Variants in TMEFF2 observed in about 807,000 individuals in gnomAD.
The protein encoded by TMEFF2 is transmembrane protein with EGF like and two follistatin like domains 2.
TMEFF2 carries 28 observed loss-of-function variants against 53.8 expected under a neutral mutation model. That is an observed-to-expected ratio of 0.52 (90% CI 0.39 to 0.71). The LOEUF (loss-of-function observed/expected upper bound fraction) is 0.71, where lower values mean the gene tolerates loss of function less well. TMEFF2 is among the 30% of genes least tolerant of loss of function. The pLI, the probability that TMEFF2 is intolerant of heterozygous loss-of-function variation, is 0.00. For missense variants in TMEFF2, 353 were observed against 455.2 expected (o/e 0.78, Z 2.04); for synonymous variants, 162 against 166.3 (o/e 0.97, Z 0.20).
At chr2:192,116,862 TTA>T (rs1351603541) in intron 4 of TMEFF2, among the ~76,000 whole-genome samples, 1 of 152,094 alleles carries the variant, frequency 6.6e-6, no homozygotes, top group African/African-American at 2.4e-5. Context: ...ATCATGTTAC[TTA>T]TGATTGCTGA....
chr2:192,073,952 T>C (rs1457007793), intron 4 of TMEFF2, among the ~76,000 whole-genome samples: 1 of 151,948 alleles, frequency 6.6e-6, no homozygotes, highest in African/African-American at 2.4e-5. Context: ...CCAGAATAGA[T>C]GAAACTCCCA....
At position 192,102,768 on chromosome 2, in the gene TMEFF2, G is replaced by A. The variant is rs562797274; in HGVS notation, c.440-44993C>T. Among the ~76,000 whole-genome samples the A allele has an allele frequency of 1.6e-4, 24 of 150,978 alleles. 1 individual carries two copies. In the East Asian group the frequency reaches 3.9e-3, roughly 25 times the overall value. On this transcript the variant is annotated intron_variant, in intron 4 of 9. Transcript: ENST00000272771. The stretch of plus-strand genomic sequence containing the variant: ...GTATTTTTACTAGAGACGGGGTTTC[G>A]TCGTGTTGGCCAGGCTGGTCTTGAA...
intron 4 of TMEFF2, among the ~76,000 whole-genome samples, chr2:192,149,783 A>C (rs1379000026): frequency 6.6e-6 from 1 of 151,984 alleles, no homozygotes; most frequent in Non-Finnish European, 1.5e-5. Context: ...TGTAATAAGA[A>C]GTCTATCTTA....
At chr2:191,951,059 T>C (rs1574236467) in intron 9 of TMEFF2, among the ~76,000 whole-genome samples, 1 of 151,904 alleles carries the variant, frequency 6.6e-6, no homozygotes, top group East Asian at 1.9e-4. Flanking sequence ...GGAAAGTTCA[T>C]ATAAAATTCT....
chr2:191,952,698 C>G (rs1324250438), intron 9 of TMEFF2, among the ~76,000 whole-genome samples: 3 of 152,176 alleles, frequency 2.0e-5, no homozygotes, highest in Non-Finnish European at 4.4e-5. Flanking sequence ...AAATGCCACA[C>G]TTGTCCTCAA....
At chr2:192,003,928 T>TGTG (rs757169033) in intron 5 of TMEFF2, among the ~76,000 whole-genome samples, 2,039 of 119,250 alleles carry the variant, frequency 0.017, 96 homozygotes, top group Non-Finnish European at 0.026. Flanking sequence ...TGTGTGTGTG[T>TGTG]GGGGGGGGGG....
intron 5 of TMEFF2, among the ~76,000 whole-genome samples, chr2:192,025,506 T>G (rs1361100240): frequency 1.3e-5 from 2 of 152,104 alleles, no homozygotes; most frequent in Non-Finnish European, 2.9e-5. Flanking sequence ...CACTTAGGCA[T>G]CACTTATAAA....
At chr2:192,129,641 A>G (rs1215686533) in intron 4 of TMEFF2, among the ~76,000 whole-genome samples, 1 of 152,176 alleles carries the variant, frequency 6.6e-6, no homozygotes, top group Non-Finnish European at 1.5e-5. Context: ...TGCCATATTT[A>G]TGGTGAGGGA....
At chr2:192,039,796 A>C (rs1687427528) in intron 5 of TMEFF2, among the ~76,000 whole-genome samples, 1 of 152,162 alleles carries the variant, frequency 6.6e-6, no homozygotes, top group Non-Finnish European at 1.5e-5. Context: ...TATAATTTTA[A>C]AGATTCACAT....
chr2:192,161,366 T>C (rs959499615), intron 4 of TMEFF2, among the ~76,000 whole-genome samples: 1 of 152,034 alleles, frequency 6.6e-6, no homozygotes, highest in Non-Finnish European at 1.5e-5. Context: ...TTGGCCAGGC[T>C]GGTCTTGAAC....
intron 7 of TMEFF2, among the ~76,000 whole-genome samples, chr2:191,964,343 T>C (rs1355450012): frequency 1.7e-3 from 130 of 78,018 alleles, no homozygotes; most frequent in African/African-American, 7.3e-3. Flanking sequence ...CTTCTTTCTT[T>C]CTTTCTTTCT....
intron 7 of TMEFF2, among the ~76,000 whole-genome samples, chr2:191,970,376 T>A (rs1692601553): frequency 6.6e-6 from 1 of 151,866 alleles, no homozygotes; most frequent in Non-Finnish European, 1.5e-5. Context: ...AGTAATTACT[T>A]AAAATGAGGT....
At chr2:192,186,011 AT>A (rs1276757606) in intron 2 of TMEFF2, among the ~76,000 whole-genome samples, 6 of 152,160 alleles carry the variant, frequency 3.9e-5, no homozygotes, top group Admixed American at 2.0e-4. Context: ...TTTTATAAAT[AT>A]TCTTTATCTT....
chr2:192,073,267 G>A (rs1688333488), intron 4 of TMEFF2, among the ~76,000 whole-genome samples: 1 of 151,892 alleles, frequency 6.6e-6, no homozygotes. Flanking sequence ...GGCAAGGTGA[G>A]TATACTATAA....
chr2:191,986,560 T>TC (rs1191167296), intron 7 of TMEFF2, among the ~76,000 whole-genome samples: 1 of 151,336 alleles, frequency 6.6e-6, no homozygotes, highest in Non-Finnish European at 1.5e-5. Context: ...AACTATCTTT[T>TC]TTTTTTTTTT....
intron 3 of TMEFF2, among the ~76,000 whole-genome samples, chr2:192,180,486 A>G (rs1310633668): frequency 6.6e-6 from 1 of 151,674 alleles, no homozygotes; most frequent in East Asian, 1.9e-4. Context: ...TTAAGTGTAG[A>G]CATCATCTTC....
chr2:192,009,726 G>C (rs1686582033), intron 5 of TMEFF2, among the ~76,000 whole-genome samples: 1 of 152,070 alleles, frequency 6.6e-6, no homozygotes, highest in Non-Finnish European at 1.5e-5. Context: ...CCTGGAAAGA[G>C]AAGACGGGAA....
chr2:192,106,266 CA>C (rs774050521), intron 4 of TMEFF2, among the ~76,000 whole-genome samples: 17 of 151,526 alleles, frequency 1.1e-4, no homozygotes, highest in Non-Finnish European at 2.1e-4. Context: ...AATATATGTA[CA>C]AAAAATGCAT....
At position 191,950,013 on chromosome 2, in the gene TMEFF2, C is replaced by T. The variant is rs1691821450; in HGVS notation, c.*298G>A. The stretch of plus-strand genomic sequence containing the variant: ...ATGAGATACCGCAAATTTAAGAATG[C>T]CAATTTTTTCTCATCACTGAGTATT... On this transcript the variant is annotated 3_prime_UTR_variant, in exon 10 of 10. Coordinates refer to ENST00000272771, the MANE Select transcript of TMEFF2 (RefSeq NM_016192.4). 1 of 1,113,834 alleles carries T rather than the reference C, an allele frequency of 9.0e-7. No homozygotes were observed. The highest frequency in any genetic ancestry group is 4.6e-5 in the Admixed American group (1 of 21,666). The allele number at this position is 1,113,834 out of a possible 1,614,324, so 69.0% of individuals were successfully genotyped here.
Sources: allele counts gnomAD v4.1 joint callset (sites outside exome capture counted in the v4.1 genomes callset), GRCh38; gene constraint gnomAD v4.1.1; transcripts MANE v1.5; gene names NCBI Gene and HGNC (gene_info 2026-07-23, HGNC 2026-07-21).